Variants in ZFP1 observed in about 807,000 individuals in gnomAD.
The protein encoded by ZFP1 is zinc finger protein 1 homolog.
ZFP1 carries 32 observed loss-of-function variants against 38.5 expected under a neutral mutation model. That is an observed-to-expected ratio of 0.83 (90% CI 0.63 to 1.12). ZFP1 has a LOEUF of 1.12. Among genes scored for constraint, ZFP1 ranks in the 50% most tolerant of loss-of-function variants. The pLI is 0.00. For missense variants in ZFP1, 616 were observed against 480.8 expected (o/e 1.28, Z -2.63); for synonymous variants, 245 against 168.8 (o/e 1.45, Z -3.50).
chr16:75,154,225 A>G (rs1358131783), intron 2 of ZFP1, among the ~76,000 whole-genome samples: 1 of 9,208 alleles, frequency 1.1e-4, no homozygotes, highest in African/African-American at 1.5e-4. Context: ...CTTTGTCTCA[A>G]AAAAAAAAAA....
the ZFP1 span, among the ~76,000 whole-genome samples, chr16:75,129,286 A>T: frequency 6.6e-6 from 1 of 152,170 alleles, no homozygotes; most frequent in Non-Finnish European, 1.5e-5. Flanking sequence ...GGAATAAACC[A>T]TCCTAGCCAT....
intron 3 of ZFP1, among the ~76,000 whole-genome samples, chr16:75,168,857 A>G (rs985510681): frequency 2.6e-5 from 4 of 152,138 alleles, no homozygotes; most frequent in African/African-American, 9.7e-5. Context: ...GTTTCCCCTT[A>G]ATTCCCTCAT....
At chr16:75,152,999 T>C in intron 2 of ZFP1, 33 bp downstream of exon 2, 1 of 1,612,972 alleles carries the variant, frequency 6.2e-7, no homozygotes, top group Non-Finnish European at 8.5e-7. Flanking sequence ...ATTTTGCTTT[T>C]CAGTGCATTT....
intron 2 of ZFP1, chr16:75,166,438 C>A: frequency 2.1e-6 from 1 of 485,712 alleles, no homozygotes; most frequent in Non-Finnish European, 2.7e-6. Flanking sequence ...GTTGTCCAGG[C>A]TGGTCTCGAA....
chr16:75,140,654 T>C, the ZFP1 span, among the ~76,000 whole-genome samples: 1 of 151,980 alleles, frequency 6.6e-6, no homozygotes, highest in Non-Finnish European at 1.5e-5. Flanking sequence ...AATAAAGGAA[T>C]AGAAAATAAA....
rs996786331 is a variant in ZFP1, at chr16:75,170,502, C to T, written c.*168C>T. 1 of 983,088 alleles carries T rather than the reference C, an allele frequency of 1.0e-6. No homozygotes were observed. Among genetic ancestry groups the T allele is most frequent in the Admixed American group, 3.4e-5 (1 of 29,668 alleles). 60.9% of individuals were successfully genotyped at this position (983,088 alleles called of 1,614,324 possible). On this transcript the variant is annotated 3_prime_UTR_variant, in exon 4 of 4. Transcript: ENST00000570010. ...CATGAGAACATTATACTGGAAGTTA[C>T]ATGTGATACCCAGCTAAAGAATACA...
At chr16:75,152,470 C>G (rs2037253754) in intron 1 of ZFP1, among the ~76,000 whole-genome samples, 1 of 152,180 alleles carries the variant, frequency 6.6e-6, no homozygotes, top group Admixed American at 6.6e-5. Context: ...ACTAATGAAC[C>G]TGCTGAAAGA....
chr16:75,157,480 G>C (rs74788775), intron 2 of ZFP1, among the ~76,000 whole-genome samples: 23 of 152,038 alleles, frequency 1.5e-4, no homozygotes, highest in African/African-American at 5.1e-4. Flanking sequence ...CTGGCCTCAA[G>C]TGATACGCCC....
chr16:75,130,603 TTTTG>T, the ZFP1 span, among the ~76,000 whole-genome samples: 2 of 152,134 alleles, frequency 1.3e-5, no homozygotes, highest in African/African-American at 4.8e-5. Flanking sequence ...CGTTTCAGGT[TTTTG>T]TATCTATTGG....
intron 2 of ZFP1, among the ~76,000 whole-genome samples, chr16:75,155,735 T>G (rs1314436882): frequency 6.6e-6 from 1 of 152,236 alleles, no homozygotes; most frequent in African/African-American, 2.4e-5. Context: ...AGCCACTATC[T>G]TGACATTTTT....
At position 75,148,748 on chromosome 16, in the gene ZFP1, C is replaced by G. The variant is rs571019485; in HGVS notation, c.-44+105C>G. 600 of 152,406 alleles carry G rather than the reference C, an allele frequency of 3.9e-3. 4 individuals are homozygous for G. Among genetic ancestry groups the G allele is most frequent in the African/African-American group, 0.014 (583 of 41,582 alleles). The allele number at this position is 152,406 out of a possible 1,614,324, so 9.4% of individuals were successfully genotyped here. On this transcript the variant is annotated intron_variant, in intron 1 of 3. Coordinates refer to ENST00000570010, the MANE Select transcript of ZFP1 (RefSeq NM_153688.4). ...AGGGTGGGAGCCCAAACTTCGGCTA[C>G]TCGTAGGCGGCAGTGACCCTCAGGG...
chr16:75,160,550 T>G (rs1483626242), intron 2 of ZFP1, among the ~76,000 whole-genome samples: 1 of 151,580 alleles, frequency 6.6e-6, no homozygotes, highest in African/African-American at 2.4e-5. Context: ...CCCCAGCTAC[T>G]TAGGTGGCTG....
At chr16:75,165,053 C>A (rs959397411) in intron 2 of ZFP1, among the ~76,000 whole-genome samples, 1 of 152,168 alleles carries the variant, frequency 6.6e-6, no homozygotes, top group African/African-American at 2.4e-5. Context: ...GATCCACCCA[C>A]TTCAGCCTCC....
chr16:75,125,129 C>T, the ZFP1 span, among the ~76,000 whole-genome samples: 99 of 151,264 alleles, frequency 6.5e-4, 1 homozygote, highest in African/African-American at 2.2e-3. Context: ...CATGGTGGCA[C>T]GCACCTGTAA....
upstream of ZFP1, among the ~76,000 whole-genome samples, chr16:75,145,008 T>C (rs1281843578): frequency 1.3e-5 from 2 of 152,162 alleles, no homozygotes; most frequent in Admixed American, 6.5e-5. Context: ...CTTATTTCAC[T>C]TAGTGTATTT....
chr16:75,139,086 T>G, the ZFP1 span, among the ~76,000 whole-genome samples: 480 of 152,146 alleles, frequency 3.2e-3, 6 homozygotes, highest in African/African-American at 0.011. Flanking sequence ...CTGTCAGAGC[T>G]GGGCTGGGCG....
At chr16:75,121,638 A>T in the ZFP1 span, among the ~76,000 whole-genome samples, 2 of 152,198 alleles carry the variant, frequency 1.3e-5, no homozygotes, top group Non-Finnish European at 2.9e-5. Context: ...CATAAGATGT[A>T]CTTCTATCAG....
chr16:75,137,758 G>A, the ZFP1 span, among the ~76,000 whole-genome samples: 4 of 152,038 alleles, frequency 2.6e-5, no homozygotes, highest in South Asian at 2.1e-4. Context: ...GAGCCAACAC[G>A]CCCGGCCCCA....
the ZFP1 span, among the ~76,000 whole-genome samples, chr16:75,135,378 T>C: frequency 4.7e-3 from 712 of 152,182 alleles, 4 homozygotes; most frequent in African/African-American, 0.016. Context: ...TGCATATTGC[T>C]AAGTGATAGA....
Sources: allele counts gnomAD v4.1 joint callset (sites outside exome capture counted in the v4.1 genomes callset), GRCh38; gene constraint gnomAD v4.1.1; transcripts MANE v1.5; gene names NCBI Gene and HGNC (gene_info 2026-07-23, HGNC 2026-07-21).